LDLRAD4: variants seen among roughly 807,000 people sequenced by gnomAD.
LDLRAD4 encodes low density lipoprotein receptor class A domain containing 4.
In LDLRAD4, 5 loss-of-function variants were observed where a neutral mutation model predicts 17.0. The observed-to-expected ratio is 0.29, with a 90% CI of 0.15 to 0.62. The LOEUF is 0.62. LDLRAD4 is among the 20% of genes least tolerant of loss of function. The pLI is 0.84. For synonymous variants in LDLRAD4, 168 were observed against 171.8 expected (o/e 0.98, Z 0.17); for missense variants, 340 against 424.7 (o/e 0.80, Z 1.75).
In LDLRAD4 at chr18:13,230,886, C is replaced by T. The variant is rs549135138; in HGVS notation, c.-467+11898C>T. 5.9e-5 allele frequency among the ~76,000 whole-genome samples: 9 copies of T among 152,232 alleles called. No individual in the cohort carries two copies. The South Asian group carries it at 6.2e-4, about 11-fold the overall frequency. ...CTCCAGGGCGAATCCTGACACAGGT[C>T]GGGGAGGGATTGAATACACCAGTTT... On this transcript the variant is annotated intron_variant, in intron 1 of 5. Coordinates refer to the LDLRAD4 transcript ENST00000399848.
intron 3 of LDLRAD4, among the ~76,000 whole-genome samples, chr18:13,585,118 C>T (rs2094916982): frequency 6.6e-6 from 1 of 152,180 alleles, no homozygotes; most frequent in Non-Finnish European, 1.5e-5. Flanking sequence ...GCCCCATTGC[C>T]GATGGTCAAA....
chr18:13,499,476 T>C lies in LDLRAD4; in HGVS notation c.181+61092T>C, dbSNP rs143570390. Among the ~76,000 whole-genome samples the C allele has an allele frequency of 3.2e-3, 462 of 143,414 alleles. 3 individuals carry two copies. Among genetic ancestry groups the C allele is most frequent in the African/African-American group, 0.011 (431 of 37,670 alleles). 94.1% of individuals were successfully genotyped at this position (143,414 alleles called of 152,430 possible). On this transcript the variant is annotated intron_variant, in intron 3 of 5. Transcript: ENST00000359446. Reference sequence around the variant, plus strand: ...TGGAGAATCCTTCTACTCACACACGTCCCGCCGTGGATACTGGAGAATCCT... The same window carrying C: ...TGGAGAATCCTTCTACTCACACACGCCCCGCCGTGGATACTGGAGAATCCT...
At chr18:13,309,663 A>G (rs1241920724) in intron 1 of LDLRAD4, among the ~76,000 whole-genome samples, 1 of 152,206 alleles carries the variant, frequency 6.6e-6, no homozygotes, top group Non-Finnish European at 1.5e-5. Context: ...TGATCACTTA[A>G]AATAAGATCT....
At chr18:13,589,232 C>T (rs1284398) in intron 3 of LDLRAD4, among the ~76,000 whole-genome samples, 61,035 of 152,048 alleles carry the variant, frequency 0.4, 12,287 homozygotes, top group Non-Finnish European at 0.42. Flanking sequence ...GCATGCCCAG[C>T]TTGCCATCTT....
intron 2 of LDLRAD4, among the ~76,000 whole-genome samples, chr18:13,401,534 G>A (rs1261317146): frequency 1.3e-5 from 2 of 152,122 alleles, no homozygotes; most frequent in East Asian, 1.9e-4. Context: ...GGGGTTGGGC[G>A]GACTCTCCTG....
At chr18:13,446,847 G>T (rs1239464823) in intron 3 of LDLRAD4, among the ~76,000 whole-genome samples, 1 of 152,252 alleles carries the variant, frequency 6.6e-6, no homozygotes, top group South Asian at 2.1e-4. Context: ...TTGTCTGAGC[G>T]CATTGGCTCC....
intron 4 of LDLRAD4, among the ~76,000 whole-genome samples, chr18:13,632,734 G>A (rs544041211): frequency 6.6e-6 from 1 of 152,252 alleles, no homozygotes; most frequent in Non-Finnish European, 1.5e-5. Context: ...CCAGTCACAA[G>A]TTCTTGTCCC....
At chr18:13,485,739 A>G (rs867261347) in intron 3 of LDLRAD4, among the ~76,000 whole-genome samples, 4 of 152,152 alleles carry the variant, frequency 2.6e-5, no homozygotes, top group African/African-American at 9.7e-5. Flanking sequence ...CAGGCCTAGG[A>G]GCGGTGGCTC....
chr18:13,265,197 C>T (rs2044147201), intron 1 of LDLRAD4, among the ~76,000 whole-genome samples: 1 of 152,210 alleles, frequency 6.6e-6, no homozygotes, highest in Admixed American at 6.5e-5. Context: ...TGCCCTGCCT[C>T]CAGCCTCTGC....
At chr18:13,439,886 T>A (rs943147714) in intron 3 of LDLRAD4, among the ~76,000 whole-genome samples, 1 of 152,200 alleles carries the variant, frequency 6.6e-6, no homozygotes, top group Admixed American at 6.5e-5. Flanking sequence ...CTCCTGAGCC[T>A]CAGTGCCCTC....
Position 13,421,619 on chromosome 18 carries a change from G to A in LDLRAD4, c.41-16625G>A, listed in dbSNP as rs571887846. Among the ~76,000 whole-genome samples the A allele has an allele frequency of 3.9e-5, 6 of 152,268 alleles. No individual in the cohort carries two copies. The East Asian group carries it at 7.7e-4, about 20-fold the overall frequency. On this transcript the variant is annotated intron_variant, in intron 2 of 5. Transcript: ENST00000359446. ...GAATAGAAGCTTCTGGCCTTCACGCGTCAGAAGGCACCCGTGGCTGCCCCT... is the reference window on the plus strand; with the variant it reads ...GAATAGAAGCTTCTGGCCTTCACGCATCAGAAGGCACCCGTGGCTGCCCCT...
intron 2 of LDLRAD4, among the ~76,000 whole-genome samples, chr18:13,393,790 C>A (rs530876253): frequency 6.6e-6 from 1 of 152,146 alleles, no homozygotes; most frequent in African/African-American, 2.4e-5. Flanking sequence ...CCAGAGTTGC[C>A]TTCCTTCATT....
intron 3 of LDLRAD4, among the ~76,000 whole-genome samples, chr18:13,571,721 C>T (rs554446571): frequency 1.0e-3 from 152 of 152,314 alleles, no homozygotes; most frequent in African/African-American, 3.2e-3. Flanking sequence ...ACTGCAAGCT[C>T]CGCCTCCCGG....
At chr18:13,379,544 TG>T (rs1158323402) in intron 1 of LDLRAD4, among the ~76,000 whole-genome samples, 1 of 152,136 alleles carries the variant, frequency 6.6e-6, no homozygotes, top group East Asian at 1.9e-4. Context: ...GACAGGAGCT[TG>T]GTTTGTTTTG....
intron 3 of LDLRAD4, among the ~76,000 whole-genome samples, chr18:13,478,128 G>T (rs2092993102): frequency 6.6e-6 from 1 of 152,190 alleles, no homozygotes. Context: ...CTCTGCCTGA[G>T]CTCAGAGCCC....
At chr18:13,537,406 A>G (rs574281828) in intron 3 of LDLRAD4, among the ~76,000 whole-genome samples, 1 of 152,264 alleles carries the variant, frequency 6.6e-6, no homozygotes, top group East Asian at 1.9e-4. Flanking sequence ...AAACTGTTCT[A>G]CCTCAGATAA....
chr18:13,368,389 G>A (rs1052618021), intron 1 of LDLRAD4, among the ~76,000 whole-genome samples: 3 of 152,258 alleles, frequency 2.0e-5, no homozygotes, highest in African/African-American at 7.2e-5. Flanking sequence ...CATGTGAGGT[G>A]TGCACTGCCC....
At chr18:13,348,740 G>T (rs1469830848) in intron 1 of LDLRAD4, among the ~76,000 whole-genome samples, 1 of 152,128 alleles carries the variant, frequency 6.6e-6, no homozygotes, top group Non-Finnish European at 1.5e-5. Context: ...CTTCCCAGCC[G>T]CTTTGTTTAC....
intron 1 of LDLRAD4, among the ~76,000 whole-genome samples, chr18:13,372,742 A>C (rs1209834790): frequency 6.6e-6 from 1 of 152,164 alleles, no homozygotes; most frequent in Non-Finnish European, 1.5e-5. Context: ...TCAGCACTTC[A>C]TGTTCATGCT....
Sources: allele counts gnomAD v4.1 joint callset (sites outside exome capture counted in the v4.1 genomes callset), GRCh38; gene constraint gnomAD v4.1.1; transcripts MANE v1.5; gene names NCBI Gene and HGNC (gene_info 2026-07-23, HGNC 2026-07-21).